MTHFD2: variants seen among roughly 807,000 people sequenced by gnomAD.
MTHFD2 encodes bifunctional methylenetetrahydrofolate dehydrogenase/cyclohydrolase, mitochondrial.
In MTHFD2, 26 loss-of-function variants were observed where a neutral mutation model predicts 36.8. The observed-to-expected ratio is 0.71, with a 90% CI of 0.52 to 0.98. The LOEUF (loss-of-function observed/expected upper bound fraction) is 0.98. Ranked by LOEUF, MTHFD2 falls within the 50% of genes least tolerant of loss-of-function variation. MTHFD2 has a pLI of 0.00. For synonymous variants in MTHFD2, 164 were observed against 155.2 expected (o/e 1.06, Z -0.42); for missense variants, 373 against 434.0 (o/e 0.86, Z 1.25).
chr2:74,212,053 T>G (rs844169), intron 7 of MTHFD2, among the ~76,000 whole-genome samples, 187 bp downstream of exon 7: 91,606 of 144,970 alleles, frequency 0.63, 29,939 homozygotes, highest in African/African-American at 0.82. Flanking sequence ...GGGTTCAAGC[T>G]ATTCTTCTGC....
rs545272678 is a variant in MTHFD2 at position 74,207,905 on chromosome 2, C to A, written c.409+79C>A. The A allele has an allele frequency of 6.2e-5, 86 of 1,389,572 alleles. No homozygotes were observed. The South Asian group carries it at 1.1e-3, about 18-fold the overall frequency. The allele number at this position is 1,389,572 out of a possible 1,614,324, so 86.1% of individuals were successfully genotyped here. A position where few individuals can be genotyped will look rare whatever the true frequency, so the allele number is the denominator to read the frequency against. ...CTCCCTCCCTCTCTCTCTCCCTCCCCATCCCCCTCCTCCTCCCTCTCCTTT... is the reference window on the plus strand; with the variant it reads ...CTCCCTCCCTCTCTCTCTCCCTCCCAATCCCCCTCCTCCTCCCTCTCCTTT... On this transcript the variant is annotated intron_variant, in intron 3 of 7. Transcript: ENST00000394053.
intron 1 of MTHFD2, among the ~76,000 whole-genome samples, chr2:74,202,620 G>A (rs895390119): frequency 3.3e-5 from 5 of 151,832 alleles, no homozygotes; most frequent in East Asian, 1.9e-4. Flanking sequence ...TCTGCCTCCC[G>A]GGTTCAATCG....
In MTHFD2 at chr2:74,214,094, C is replaced by G. The variant is rs1558858640; in HGVS notation, c.905C>G (p.Ala302Gly). The G allele has an allele frequency of 6.2e-7, 1 of 1,613,716 alleles. No homozygotes were observed. ...DVDFEGVRQK[A>G]GYITPVPGGV... ...TTCTATGTAGGAGTCAGACAAAAAG[C>G]TGGGTATATCACTCCAGTTCCTGGA... The change falls in exon 8 of 8, where the codon GCT (alanine) becomes GGT (glycine). Residue 302 changes from alanine (A) to glycine (G), a missense_variant. Physicochemically the swap from Ala to Gly is moderately conservative, Grantham distance 60. Coordinates refer to ENST00000394053, the MANE Select transcript of MTHFD2 (RefSeq NM_006636.4).
chr2:74,198,768 G>C (rs1392233352), intron 1 of MTHFD2, 26 bp downstream of exon 1: 3 of 1,578,630 alleles, frequency 1.9e-6, no homozygotes, highest in Non-Finnish European at 1.7e-6. Context: ...AGCTCGGTCA[G>C]CGCGGAAAGC....
Position 74,198,750 on chromosome 2 carries a change from G to A in MTHFD2, c.101+8G>A. On this transcript the variant is annotated splice_region_variant and intron_variant, in intron 1 of 7. Coordinates refer to ENST00000394053, the MANE Select transcript of MTHFD2 (RefSeq NM_006636.4). ...CCACCTCGCGGCAGTTCGGTAAGAGGGTCACAGAGCTCGGTCAGCGCGGAA... is the reference window on the plus strand; with the variant it reads ...CCACCTCGCGGCAGTTCGGTAAGAGAGTCACAGAGCTCGGTCAGCGCGGAA... The A allele has an allele frequency of 1.2e-6, 2 of 1,602,580 alleles. No individual in the cohort carries two copies. Among genetic ancestry groups the A allele is most frequent in the Non-Finnish European group, 1.7e-6 (2 of 1,175,386 alleles).
rs1694398395 is a variant in MTHFD2, at chr2:74,214,894, T to A, written c.*652T>A. 1 of 152,354 alleles carries A rather than the reference T, an allele frequency of 6.6e-6. No homozygotes were observed. The highest frequency in any genetic ancestry group is 2.4e-5 in the African/African-American group (1 of 41,478). 9.4% of individuals were successfully genotyped at this position (152,354 alleles called of 1,614,324 possible). The stretch of plus-strand genomic sequence containing the variant: ...TTGCTATTAGTACTCATTTTATGTA[T>A]GTTACCCTTCAGTAAGTTCTCCCCA... On this transcript the variant is annotated 3_prime_UTR_variant, in exon 8 of 8. Transcript: ENST00000394053.
intron 4 of MTHFD2, 106 bp from the exon 5 acceptor site, chr2:74,209,836 C>T (rs1694266369): frequency 4.1e-6 from 3 of 739,748 alleles, no homozygotes; most frequent in Non-Finnish European, 6.5e-6. Flanking sequence ...CAAGTTACAG[C>T]TCCAGTTGAC....
intron 3 of MTHFD2, 32 bp downstream of exon 3, chr2:74,207,858 T>A: frequency 6.4e-7 from 1 of 1,563,122 alleles, no homozygotes; most frequent in Non-Finnish European, 8.8e-7. Flanking sequence ...ACATGATTGC[T>A]GCTGCTTCTG....
rs1462074895 is a variant in MTHFD2, at chr2:74,211,207, A to G, written c.679A>G (p.Thr227Ala). 6.2e-7 allele frequency: 1 copy of G among 1,602,746 alleles called. No individual in the cohort carries two copies. The highest frequency in any genetic ancestry group is 8.5e-7 in the Non-Finnish European group (1 of 1,171,980). The change falls in exon 6 of 8, where the codon ACT (threonine) becomes GCT (alanine). Residue 227 changes from threonine (T) to alanine (A), a missense_variant. Transcript: ENST00000394053. Reference protein sequence around the residue: ...GAHERPGGDATVTISHRYTPK... With the variant: ...GAHERPGGDAAVTISHRYTPK... Reference sequence around the variant, plus strand: ...TATTTTTTTCTTTCTAGGTGATGCCACTGTTACAATATCTCATCGATATAC... The same window carrying G: ...TATTTTTTTCTTTCTAGGTGATGCCGCTGTTACAATATCTCATCGATATAC...
intron 4 of MTHFD2, among the ~76,000 whole-genome samples, chr2:74,209,651 C>T (rs1305663598): frequency 6.6e-6 from 1 of 151,946 alleles, no homozygotes; most frequent in African/African-American, 2.4e-5. Flanking sequence ...CCTACCTTAG[C>T]CTCCCTGGCC....
intron 1 of MTHFD2, 86 bp downstream of exon 1, chr2:74,198,828 G>A (rs1003046561): frequency 2.1e-5 from 26 of 1,260,038 alleles, no homozygotes; most frequent in Non-Finnish European, 2.7e-5. Flanking sequence ...GGGACACCGA[G>A]GGAAGTCCTT....
At position 74,205,788 on chromosome 2, in the gene MTHFD2, C is replaced by A. The variant is rs746469820; in HGVS notation, c.185C>A (p.Ala62Asp). The A allele has an allele frequency of 3.7e-6, 6 of 1,613,710 alleles. No homozygotes were observed. The South Asian group carries it at 5.5e-5, about 15-fold the overall frequency. Residue 62 changes from alanine (A) to aspartate (D), a missense_variant, in exon 2 of 8, where the codon GCC becomes GAC. Physicochemically the swap from Ala to Asp is moderately radical, Grantham distance 126. Around this residue, in one of 2 missense-constraint regions of MTHFD2, gnomAD observed 308 missense variants for 397.8 expected, o/e 0.77. Transcript: ENST00000394053. ...EVRQEVEEWV[A>D]SGNKRPHLSV... ...CGGCAGGAGGTAGAAGAGTGGGTGG[C>A]CTCAGGCAACAAACGGCCACACCTG...
intron 1 of MTHFD2, among the ~76,000 whole-genome samples, chr2:74,200,745 G>A (rs1041430701): frequency 1.3e-5 from 2 of 152,124 alleles, no homozygotes; most frequent in Non-Finnish European, 2.9e-5. Flanking sequence ...CAAGGTAACA[G>A]AGTAATATAT....
rs918903174 is a variant in MTHFD2, at chr2:74,205,782, G to A, written c.179G>A (p.Trp60Ter). ...KQEVRQEVEE[W>*]VASGNKRPHL... ...GAAGTGCGGCAGGAGGTAGAAGAGT[G>A]GGTGGCCTCAGGCAACAAACGGCCA... The change falls in exon 2 of 8, where the codon TGG (tryptophan) becomes TAG (stop). Residue 60 changes from tryptophan to a stop codon, truncating the protein, a stop_gained. Transcript: ENST00000394053. LOFTEE classifies it high-confidence loss of function. 1 of 1,613,854 alleles carries A rather than the reference G, an allele frequency of 6.2e-7. No individual in the cohort carries two copies. The highest frequency in any genetic ancestry group is 8.5e-7 in the Non-Finnish European group (1 of 1,180,008).
rs1694477121 is a variant in MTHFD2, at chr2:74,217,379, T to A, written c.*3137T>A. 1 of 152,192 alleles carries A rather than the reference T, an allele frequency of 6.6e-6. No homozygotes were observed. The highest frequency in any genetic ancestry group is 6.5e-5 in the Admixed American group (1 of 15,274). The allele number at this position is 152,192 out of a possible 1,614,324, so 9.4% of individuals were successfully genotyped here. ...GATCTTAAGTTTCATGAGGAATAGGTTTGCTTCATTGAAACTGGTTTTTAT... is the reference window on the plus strand; with the variant it reads ...GATCTTAAGTTTCATGAGGAATAGGATTGCTTCATTGAAACTGGTTTTTAT... On this transcript the variant is annotated 3_prime_UTR_variant, in exon 8 of 8. Transcript: ENST00000394053.
At chr2:74,211,608 T>A (rs1434624802) in intron 6 of MTHFD2, 133 bp from the exon 7 acceptor site, 1 of 848,286 alleles carries the variant, frequency 1.2e-6, no homozygotes, top group African/African-American at 1.8e-5. Context: ...AGTTCCTTAG[T>A]TAATATTTTT....
At chr2:74,209,098 AG>A (rs59385004) in intron 4 of MTHFD2, among the ~76,000 whole-genome samples, 103,465 of 151,488 alleles carry the variant, frequency 0.68, 37,178 homozygotes, top group African/African-American at 0.92. Flanking sequence ...GTCTCGAACT[AG>A]GCCTCAGGTG....
chr2:74,214,339 A>G lies in MTHFD2; in HGVS notation c.*97A>G. 1.5e-6 allele frequency: 2 copies of G among 1,366,438 alleles called. No individual in the cohort carries two copies. 84.6% of individuals were successfully genotyped at this position (1,366,438 alleles called of 1,614,324 possible). ...AATATTTTTAATTTATTCTACTGAAATGGTTTAAAATGATGCCTTGTATTT... is the reference window on the plus strand; with the variant it reads ...AATATTTTTAATTTATTCTACTGAAGTGGTTTAAAATGATGCCTTGTATTT... On this transcript the variant is annotated 3_prime_UTR_variant, in exon 8 of 8. Coordinates refer to ENST00000394053, the MANE Select transcript of MTHFD2 (RefSeq NM_006636.4).
At chr2:74,211,531 T>C in intron 6 of MTHFD2, 1 of 491,034 alleles carries the variant, frequency 2.0e-6, no homozygotes, top group Non-Finnish European at 3.4e-6. Flanking sequence ...ATATTTACTG[T>C]ATAAAGTTTA....
Sources: gnomAD v4.1 joint callset for allele counts (sites outside exome capture counted in the v4.1 genomes callset) on GRCh38, gnomAD v4.1.1 for gene constraint, gnomAD v4.1.1 regional missense constraint, MANE v1.5 for transcripts, NCBI Gene and HGNC (gene_info 2026-07-23, HGNC 2026-07-21) for gene names.